SNTG1: variants seen among roughly 807,000 people sequenced by gnomAD.
The protein encoded by SNTG1 is syntrophin gamma 1.
Under a neutral mutation model 74.7 loss-of-function variants are expected in SNTG1, and 39 were observed. That is an observed-to-expected ratio of 0.52 (90% confidence interval 0.40 to 0.68). The LOEUF (loss-of-function observed/expected upper bound fraction) is 0.68, where lower values mean the gene tolerates loss of function less well. Ranked by LOEUF, SNTG1 falls within the 30% of genes least tolerant of loss-of-function variation. The pLI is 0.00. For synonymous variants in SNTG1, 254 were observed against 217.1 expected, an observed-to-expected ratio of 1.17 and a Z score of -1.49; for missense variants, 685 against 609.5, an observed-to-expected ratio of 1.12 and a Z score of -1.30.
intron 2 of SNTG1, among the ~76,000 whole-genome samples, chr8:50,331,411 A>C (rs1179180909): frequency 6.6e-6 from 1 of 152,208 alleles, no homozygotes; most frequent in Non-Finnish European, 1.5e-5. Context: ...CAAGCTAGAG[A>C]AACAGCCCTG....
intron 1 of SNTG1, among the ~76,000 whole-genome samples, chr8:50,152,400 C>T (rs1253640489): frequency 6.6e-6 from 1 of 152,128 alleles, no homozygotes; most frequent in African/African-American, 2.4e-5. Flanking sequence ...GCATTTAGCC[C>T]ATTTACATTT....
chr8:50,382,807 A>G (rs1368896687), intron 2 of SNTG1, among the ~76,000 whole-genome samples: 2 of 152,156 alleles, frequency 1.3e-5, no homozygotes, highest in African/African-American at 4.8e-5. Context: ...ATTTTAAGAG[A>G]CCCATTTAAA....
rs185255703 is a variant in SNTG1, at chr8:50,576,804, A to T, written c.811-14075A>T. 2.0e-5 allele frequency among the ~76,000 whole-genome samples: 3 copies of T among 152,214 alleles called. No individual in the cohort carries two copies. In the East Asian group the frequency reaches 5.8e-4, roughly 29 times the overall value. On this transcript the variant is annotated intron_variant, in intron 12 of 18. Transcript: ENST00000642720. Reference sequence around the variant, plus strand: ...AAATGCAATTTATTTTGCATGTTGAATCTGTAATCAGATAGTTTTCTAATT... The same window carrying T: ...AAATGCAATTTATTTTGCATGTTGATTCTGTAATCAGATAGTTTTCTAATT...
chr8:50,595,658 G>A (rs1293819069), intron 13 of SNTG1, among the ~76,000 whole-genome samples: 1 of 151,838 alleles, frequency 6.6e-6, no homozygotes, highest in Non-Finnish European at 1.5e-5. Context: ...TGAGGGAGCG[G>A]GGAACAAATG....
rs202208363 is a variant in SNTG1, at chr8:50,438,539, T to C, written c.163-4T>C. The C allele has an allele frequency of 4.2e-5, 68 of 1,612,664 alleles. No homozygotes were observed. Among genetic ancestry groups the C allele is most frequent in the Middle Eastern group, 1.7e-4 (1 of 6,050 alleles). On this transcript the variant is annotated splice_polypyrimidine_tract_variant and splice_region_variant and intron_variant, in intron 4 of 18. Transcript: ENST00000642720. ...TAACCATTCTTAAAAATCCTGTCTTTCAGGAAAGAACGGTGACCATCAGAA... is the reference window on the plus strand; with the variant it reads ...TAACCATTCTTAAAAATCCTGTCTTCCAGGAAAGAACGGTGACCATCAGAA...
At chr8:50,651,896 G>A (rs999684708) in intron 13 of SNTG1, among the ~76,000 whole-genome samples, 46 of 149,216 alleles carry the variant, frequency 3.1e-4, no homozygotes, top group African/African-American at 9.9e-5. Context: ...TCTCTGTCTC[G>A]GCCTCCCGAG....
intron 17 of SNTG1, among the ~76,000 whole-genome samples, chr8:50,714,724 G>C (rs980115509): frequency 1.3e-5 from 2 of 152,080 alleles, no homozygotes; most frequent in South Asian, 4.1e-4. Flanking sequence ...CAGGAGGTGG[G>C]TGTGGAGAGG....
At chr8:50,049,658 G>A (rs1014829928) in intron 1 of SNTG1, among the ~76,000 whole-genome samples, 1 of 152,014 alleles carries the variant, frequency 6.6e-6, no homozygotes. Context: ...GGCACATATA[G>A]AATACTTTAT....
At chr8:50,053,623 T>TTGTGTG (rs60947505) in intron 1 of SNTG1, among the ~76,000 whole-genome samples, 4,549 of 134,362 alleles carry the variant, frequency 0.034, 152 homozygotes, top group African/African-American at 0.083. Flanking sequence ...ATATATATAA[T>TTGTGTG]TGTGTGTGTG....
chr8:50,682,042 G>A (rs1242062968), intron 15 of SNTG1, among the ~76,000 whole-genome samples: 1 of 152,178 alleles, frequency 6.6e-6, no homozygotes, highest in African/African-American at 2.4e-5. Context: ...TGACACTGGT[G>A]TTAGAAACAA....
intron 2 of SNTG1, among the ~76,000 whole-genome samples, chr8:50,370,312 A>C (rs2092238126): frequency 6.6e-6 from 1 of 152,238 alleles, no homozygotes; most frequent in Non-Finnish European, 1.5e-5. Context: ...TGGCTGAATC[A>C]AAATGCAACT....
At chr8:50,274,339 C>T (rs529616262) in intron 2 of SNTG1, among the ~76,000 whole-genome samples, 15 of 152,026 alleles carry the variant, frequency 9.9e-5, no homozygotes, top group African/African-American at 1.9e-4. Context: ...CACTCACCTA[C>T]GCTTCCCAAA....
chr8:50,780,596 TC>T (rs1238172029), intron 18 of SNTG1, among the ~76,000 whole-genome samples: 2 of 152,228 alleles, frequency 1.3e-5, no homozygotes, highest in African/African-American at 4.8e-5. Flanking sequence ...TTCTCTCTTT[TC>T]TTCTTTATTA....
At chr8:50,722,414 G>A (rs1244112407) in intron 17 of SNTG1, among the ~76,000 whole-genome samples, 4 of 151,914 alleles carry the variant, frequency 2.6e-5, no homozygotes, top group Non-Finnish European at 5.9e-5. Flanking sequence ...GACCTCAACT[G>A]ATCCTCCCAC....
chr8:50,526,634 C>T (rs2130255920), intron 9 of SNTG1, among the ~76,000 whole-genome samples: 2 of 106,474 alleles, frequency 1.9e-5, no homozygotes, highest in East Asian at 5.9e-4. Flanking sequence ...TACACAAACA[C>T]ATATATACAC....
intron 9 of SNTG1, among the ~76,000 whole-genome samples, chr8:50,508,910 A>G (rs1019785191): frequency 2.0e-5 from 3 of 152,096 alleles, no homozygotes; most frequent in Admixed American, 2.0e-4. Context: ...GCTGTGCAGA[A>G]GCTCTTTAGT....
chr8:50,646,618 A>T (rs191050152), intron 13 of SNTG1, among the ~76,000 whole-genome samples: 193 of 152,304 alleles, frequency 1.3e-3, no homozygotes, highest in Non-Finnish European at 2.0e-3. Context: ...TCCTTCTTAT[A>T]AAACACCTGA....
intron 1 of SNTG1, among the ~76,000 whole-genome samples, chr8:50,051,271 A>ACACACACAC (rs1563524306): frequency 1.5e-5 from 1 of 68,156 alleles, no homozygotes; most frequent in Non-Finnish European, 3.5e-5. Context: ...CACACACACA[A>ACACACACAC]ACAAACAAGA....
chr8:50,569,715 G>A (rs1270531206), intron 12 of SNTG1, among the ~76,000 whole-genome samples: 1 of 152,122 alleles, frequency 6.6e-6, no homozygotes, highest in Non-Finnish European at 1.5e-5. Flanking sequence ...AGGCATGGGT[G>A]TCACTGAAGC....
Sources: gnomAD v4.1 joint callset for allele counts (sites outside exome capture counted in the v4.1 genomes callset) on GRCh38, gnomAD v4.1.1 for gene constraint, MANE v1.5 for transcripts, NCBI Gene and HGNC (gene_info 2026-07-23, HGNC 2026-07-21) for gene names.